Variants in PDE1A observed in about 807,000 individuals in gnomAD.
PDE1A encodes phosphodiesterase 1A.
Under a neutral mutation model 61.7 loss-of-function variants are expected in PDE1A, and 35 were observed. The ratio of observed to expected loss-of-function variants is 0.57; its 90% CI spans 0.43 to 0.75. The LOEUF is 0.75. Among genes scored for constraint, PDE1A ranks in the 30% least tolerant of loss-of-function variants. The pLI, the probability that PDE1A is intolerant of heterozygous loss-of-function variation, is 0.00. For synonymous variants in PDE1A, 232 were observed against 213.2 expected, an observed-to-expected ratio of 1.09 and a Z score of -0.77; for missense variants, 597 against 630.6, an observed-to-expected ratio of 0.95 and a Z score of 0.57.
At chr2:182,438,005 G>A (rs935774837) in intron 2 of PDE1A, among the ~76,000 whole-genome samples, 1 of 151,668 alleles carries the variant, frequency 6.6e-6, no homozygotes, top group African/African-American at 2.4e-5. Context: ...TTGACCTTGA[G>A]GTAATGAGTT....
At chr2:182,185,157 A>G (rs930371201) in intron 13 of PDE1A, among the ~76,000 whole-genome samples, 5 of 152,156 alleles carry the variant, frequency 3.3e-5, no homozygotes, top group African/African-American at 7.2e-5. Context: ...AAAAATAACT[A>G]CAAAGACCCT....
At chr2:182,652,530 T>C in the PDE1A span, among the ~76,000 whole-genome samples, 1 of 152,014 alleles carries the variant, frequency 6.6e-6, no homozygotes, top group Non-Finnish European at 1.5e-5. Context: ...AGTCAAAACA[T>C]GCATGGAACT....
At chr2:182,439,210 T>C (rs550469828) in intron 2 of PDE1A, among the ~76,000 whole-genome samples, 10 of 152,082 alleles carry the variant, frequency 6.6e-5, no homozygotes, top group Admixed American at 5.3e-4. Flanking sequence ...GAATTTGTGA[T>C]GCCAAAAGAT....
At chr2:182,254,498 T>C (rs1052626323) in intron 2 of PDE1A, among the ~76,000 whole-genome samples, 6 of 152,226 alleles carry the variant, frequency 3.9e-5, no homozygotes, top group East Asian at 3.8e-4. Context: ...TACTTATAAA[T>C]GCTAAGCAAA....
intron 2 of PDE1A, among the ~76,000 whole-genome samples, chr2:182,491,185 C>T (rs929592563): frequency 4.6e-5 from 7 of 152,238 alleles, no homozygotes; most frequent in African/African-American, 1.4e-4. Context: ...TGTGGTCATA[C>T]GTTTAGGGTA....
the PDE1A span, among the ~76,000 whole-genome samples, chr2:182,529,589 G>A: frequency 1.2e-4 from 18 of 152,154 alleles, no homozygotes; most frequent in East Asian, 3.9e-4. Context: ...GTGAGACCAC[G>A]AGGTTTGGGA....
chr2:182,449,170 A>G lies in PDE1A; in HGVS notation c.101+73106T>C, dbSNP rs562278031. Among the ~76,000 whole-genome samples the G allele has an allele frequency of 1.5e-3, 234 of 152,066 alleles. 2 individuals carry two copies. Among genetic ancestry groups the G allele is most frequent in the African/African-American group, 5.3e-3 (222 of 41,502 alleles). ...TAAACCTGTGAATAAAAGGCATCACAAAATGATAGCTTATCTAACTGTGGA... is the reference window on the plus strand; with the variant it reads ...TAAACCTGTGAATAAAAGGCATCACGAAATGATAGCTTATCTAACTGTGGA... On this transcript the variant is annotated intron_variant, in intron 2 of 14. Coordinates refer to the PDE1A transcript ENST00000410103.
intron 2 of PDE1A, among the ~76,000 whole-genome samples, chr2:182,456,844 A>C (rs1206849406): frequency 6.6e-6 from 1 of 152,104 alleles, no homozygotes. Context: ...TCTATGCTCC[A>C]ATTAATATAA....
At chr2:182,182,378 A>G (rs1428902811) in intron 13 of PDE1A, among the ~76,000 whole-genome samples, 1 of 152,034 alleles carries the variant, frequency 6.6e-6, no homozygotes, top group African/African-American at 2.4e-5. Context: ...TTCTACTCAC[A>G]CATACTGCCA....
At chr2:182,360,755 G>A (rs1197180548) in intron 1 of PDE1A, among the ~76,000 whole-genome samples, 1 of 151,496 alleles carries the variant, frequency 6.6e-6, no homozygotes, top group Non-Finnish European at 1.5e-5. Context: ...AGGGGCCCAT[G>A]AAGGCAAAAA....
the PDE1A span, among the ~76,000 whole-genome samples, chr2:182,546,183 G>A: frequency 6.6e-6 from 1 of 152,152 alleles, no homozygotes; most frequent in African/African-American, 2.4e-5. Context: ...AAAATACCAA[G>A]AAGAAGCAGG....
At chr2:182,218,537 C>T (rs1346065192) in intron 7 of PDE1A, among the ~76,000 whole-genome samples, 2 of 151,720 alleles carry the variant, frequency 1.3e-5, no homozygotes, top group East Asian at 3.8e-4. Context: ...ATTATGTATC[C>T]TTTGACCAAC....
chr2:182,362,750 T>C (rs1158962590), intron 1 of PDE1A, among the ~76,000 whole-genome samples: 1 of 151,962 alleles, frequency 6.6e-6, no homozygotes, highest in Non-Finnish European at 1.5e-5. Context: ...TGTTGTATCA[T>C]AAAGACACAT....
At chr2:182,596,879 C>T in the PDE1A span, among the ~76,000 whole-genome samples, 12 of 152,254 alleles carry the variant, frequency 7.9e-5, no homozygotes, top group Middle Eastern at 3.4e-3. Flanking sequence ...CACTGCCAGG[C>T]GCAATGGCTC....
At chr2:182,687,924 A>T in the PDE1A span, among the ~76,000 whole-genome samples, 1 of 152,222 alleles carries the variant, frequency 6.6e-6, no homozygotes, top group African/African-American at 2.4e-5. Context: ...AAAAAAGGGT[A>T]TCACTGATTG....
the PDE1A span, among the ~76,000 whole-genome samples, chr2:182,689,741 C>T: frequency 1.3e-5 from 2 of 152,068 alleles, no homozygotes; most frequent in Non-Finnish European, 2.9e-5. Flanking sequence ...AATCCAGTAG[C>T]TGGTTTTTTG....
chr2:182,648,699 C>T, the PDE1A span, among the ~76,000 whole-genome samples: 2 of 134,414 alleles, frequency 1.5e-5, no homozygotes, highest in African/African-American at 5.7e-5. Flanking sequence ...GACCCTGTCT[C>T]TTTAAAAAAA....
intron 2 of PDE1A, among the ~76,000 whole-genome samples, chr2:182,516,792 A>C (rs1399473791): frequency 7.1e-6 from 1 of 140,192 alleles, no homozygotes; most frequent in Non-Finnish European, 1.5e-5. Context: ...AAAAAGAAAG[A>C]AAGAGAGAAA....
chr2:182,584,543 T>C, the PDE1A span, among the ~76,000 whole-genome samples: 1 of 152,226 alleles, frequency 6.6e-6, no homozygotes, highest in Admixed American at 6.5e-5. Flanking sequence ...ATATGTGAGA[T>C]GATGTGTGTA....
Sources: gnomAD v4.1 joint callset for allele counts (sites outside exome capture counted in the v4.1 genomes callset) on GRCh38, gnomAD v4.1.1 for gene constraint, MANE v1.5 for transcripts, NCBI Gene and HGNC (gene_info 2026-07-23, HGNC 2026-07-21) for gene names.